PDXDC1: variants seen among roughly 807,000 people sequenced by gnomAD.
PDXDC1 encodes pyridoxal dependent decarboxylase domain containing 1.
Under a neutral mutation model 100.1 loss-of-function variants are expected in PDXDC1, and 42 were observed. That is an observed-to-expected ratio of 0.42 (90% CI 0.33 to 0.54). The LOEUF (loss-of-function observed/expected upper bound fraction) is 0.54. PDXDC1 is among the 20% of genes least tolerant of loss of function. PDXDC1 has a pLI of 0.10. For synonymous variants in PDXDC1, 260 were observed against 371.7 expected (o/e 0.70, Z 3.46); for missense variants, 636 against 979.2 (o/e 0.65, Z 4.68).
Position 15,022,843 on chromosome 16 carries a change from T to C in PDXDC1, c.1140+89T>C. 2.8e-6 allele frequency: 3 copies of C among 1,068,986 alleles called. No homozygotes were observed. The East Asian group carries it at 8.8e-5, about 31-fold the overall frequency. The allele number at this position is 1,068,986 out of a possible 1,614,324, so 66.2% of individuals were successfully genotyped here. A position where few individuals can be genotyped will look rare whatever the true frequency, so the allele number is the denominator to read the frequency against. On this transcript the variant is annotated intron_variant, in intron 13 of 22. Transcript: ENST00000396410. ...TGATTTTAGAACTTTAGAATGATTT[T>C]CTCCACATTTCAGTGGAATTGTGGC... is the stretch of plus-strand genomic sequence containing the variant.
chr16:15,090,220 G>C (rs1415635893), intron 16 of PDXDC1, among the ~76,000 whole-genome samples: 1 of 150,070 alleles, frequency 6.7e-6, no homozygotes, highest in Non-Finnish European at 1.5e-5. Context: ...TAAAAAAAAA[G>C]TCCACTGAAA....
chr16:15,085,767 G>A (rs1200608110), intron 16 of PDXDC1: 5 of 1,599,064 alleles, frequency 3.1e-6, no homozygotes, highest in East Asian at 2.2e-5. Flanking sequence ...TACAAAAAAA[G>A]TTACTGACCT....
intron 13 of PDXDC1, 194 bp from the exon 14 acceptor site, chr16:15,026,449 C>G: frequency 1.7e-6 from 1 of 595,166 alleles, no homozygotes. Context: ...ACTCTCAAGG[C>G]TGGCTCATAG....
intron 16 of PDXDC1, chr16:15,044,641 C>T (rs888092278): frequency 1.8e-6 from 1 of 570,164 alleles, no homozygotes; most frequent in East Asian, 2.9e-5. Flanking sequence ...TATCTGAACA[C>T]AAATGTGATG....
the PDXDC1 span, among the ~76,000 whole-genome samples, chr16:15,145,123 G>C: frequency 6.6e-6 from 1 of 152,148 alleles, no homozygotes; most frequent in Non-Finnish European, 1.5e-5. Flanking sequence ...ACACCTCCCC[G>C]GGCAGCCAGC....
At position 15,038,051 on chromosome 16, in the gene PDXDC1, T is replaced by A. The variant is rs1012084716; in HGVS notation, c.*1776T>A. 2 of 1,612,464 alleles carry A rather than the reference T, an allele frequency of 1.2e-6. No individual in the cohort carries two copies. The highest frequency in any genetic ancestry group is 2.7e-5 in the African/African-American group (2 of 74,838). ...GTTTTTTAACTTCCTGGAGAAGAGA[T>A]CTTTTCCCACAAGCCATCTTCATTT... On this transcript the variant is annotated 3_prime_UTR_variant, in exon 23 of 23. Coordinates refer to ENST00000396410, the MANE Select transcript of PDXDC1 (RefSeq NM_015027.4).
chr16:15,094,406 G>T (rs892343393), intron 16 of PDXDC1: 6 of 637,530 alleles, frequency 9.4e-6, no homozygotes, highest in African/African-American at 9.2e-5. Context: ...CCCGCTCCTC[G>T]TTCTACTTGG....
intron 1 of PDXDC1, chr16:14,988,922 C>T (rs1392453191): frequency 1.5e-5 from 25 of 1,613,240 alleles, no homozygotes; most frequent in South Asian, 1.5e-4. Flanking sequence ...ACAGCAGCCC[C>T]GGCCACAGGT....
At chr16:15,022,361 T>C (rs1240771424) in intron 12 of PDXDC1, among the ~76,000 whole-genome samples, 2 of 152,302 alleles carry the variant, frequency 1.3e-5, no homozygotes, top group Admixed American at 6.5e-5. Context: ...TTGAGCGTGC[T>C]GCATCCTCTC....
rs536910813 is a variant in PDXDC1, at chr16:15,127,401, C to T, written c.1400-11478C>T. ...CTCTGGCTGCAGCACTGGAAAGTGG[C>T]GGCTCTGGGCATGGTGCCGAGGCCC... On this transcript the variant is annotated intron_variant, in intron 16 of 16. Coordinates refer to the PDXDC1 transcript ENST00000535621. The T allele has an allele frequency of 4.5e-5, 58 of 1,278,064 alleles. No homozygotes were observed. In the East Asian group the frequency reaches 5.3e-4, roughly 12 times the overall value. The allele number at this position is 1,278,064 out of a possible 1,614,324, so 79.2% of individuals were successfully genotyped here.
At chr16:15,018,301 C>T (rs931863660) in intron 11 of PDXDC1, among the ~76,000 whole-genome samples, 4 of 152,306 alleles carry the variant, frequency 2.6e-5, no homozygotes, top group South Asian at 2.1e-4. Context: ...CCCAGCTACT[C>T]ATGAGGCTAA....
chr16:15,092,194 T>G (rs2046159858), intron 16 of PDXDC1, among the ~76,000 whole-genome samples: 1 of 152,014 alleles, frequency 6.6e-6, no homozygotes. Flanking sequence ...AATAAATAAA[T>G]AAAATGGTGT....
chr16:14,991,278 TGTGTGTGTGTGTG>T (rs1970746691), intron 1 of PDXDC1, among the ~76,000 whole-genome samples: 3 of 14,024 alleles, frequency 2.1e-4, no homozygotes, highest in Middle Eastern at 0.033. Flanking sequence ...TGTGTGTGTG[TGTGTGTGTGTGTG>T]TGTGTGTGTG....
At chr16:15,048,099 C>T in intron 16 of PDXDC1, 1 of 1,574,774 alleles carries the variant, frequency 6.4e-7, no homozygotes, top group Non-Finnish European at 8.6e-7. Flanking sequence ...CTGGCTCTTT[C>T]CTGTTTAATT....
chr16:15,003,567 C>T (rs1300128988), intron 4 of PDXDC1, among the ~76,000 whole-genome samples: 1 of 152,302 alleles, frequency 6.6e-6, no homozygotes, highest in Non-Finnish European at 1.5e-5. Flanking sequence ...TTAGCTCTAC[C>T]CTCCACAATT....
intron 16 of PDXDC1, chr16:15,131,291 G>C (rs11866336): frequency 0.11 from 169,769 of 1,567,866 alleles, 9,620 homozygotes; most frequent in East Asian, 0.2. Context: ...ATGGGGATCT[G>C]GGCGCCGGCC....
At chr16:15,133,106 G>A in intron 16 of PDXDC1, 1 of 621,628 alleles carries the variant, frequency 1.6e-6, no homozygotes, top group Non-Finnish European at 2.8e-6. Flanking sequence ...GGTGGGTGTG[G>A]CTGCTGGGAG....
At chr16:15,056,617 C>T (rs1272150246) in intron 16 of PDXDC1, among the ~76,000 whole-genome samples, 3 of 151,906 alleles carry the variant, frequency 2.0e-5, no homozygotes, top group East Asian at 1.9e-4. Flanking sequence ...CTCCCCCATA[C>T]CCTCGTCTCT....
At chr16:15,073,090 A>T (rs1166983255) in intron 16 of PDXDC1, 9 of 1,602,888 alleles carry the variant, frequency 5.6e-6, no homozygotes, top group Non-Finnish European at 7.6e-6. Flanking sequence ...CCTATGGAGA[A>T]AATCTGGCAT....
Sources: gnomAD v4.1 joint callset for allele counts (sites outside exome capture counted in the v4.1 genomes callset) on GRCh38, gnomAD v4.1.1 for gene constraint, MANE v1.5 for transcripts, NCBI Gene and HGNC (gene_info 2026-07-23, HGNC 2026-07-21) for gene names.